AFG2A: variants seen among roughly 807,000 people sequenced by gnomAD.
The protein encoded by AFG2A is AAA ATPase AFG2A.
At chr4:123,224,347 C>T in the AFG2A span, among the ~76,000 whole-genome samples, 1 of 152,062 alleles carries the variant, frequency 6.6e-6, no homozygotes, top group African/African-American at 2.4e-5. Context: ...TCTCCTAATG[C>T]TATCCCTCCA....
At chr4:123,005,952 A>G in the AFG2A span, among the ~76,000 whole-genome samples, 1 of 152,190 alleles carries the variant, frequency 6.6e-6, no homozygotes, top group Non-Finnish European at 1.5e-5. Flanking sequence ...AGGAAAAGTG[A>G]TATTTATATG....
At chr4:122,947,774 C>G in the AFG2A span, among the ~76,000 whole-genome samples, 1 of 151,932 alleles carries the variant, frequency 6.6e-6, no homozygotes, top group African/African-American at 2.4e-5. Context: ...AGGAGTCAAC[C>G]AACTGTGGTC....
At chr4:123,079,745 C>CTTTTTTTTTTTTTTTTTTTT in the AFG2A span, among the ~76,000 whole-genome samples, 2 of 72,670 alleles carry the variant, frequency 2.8e-5, no homozygotes, top group Admixed American at 2.2e-4. Context: ...TCTTTTCCTT[C>CTTTTTTTTTTTTTTTTTTTT]TTTTTTTTTT....
the AFG2A span, among the ~76,000 whole-genome samples, chr4:123,009,124 C>G: frequency 2.1e-4 from 32 of 152,244 alleles, no homozygotes; most frequent in African/African-American, 7.2e-4. Flanking sequence ...GCATGGGTAA[C>G]GTCCAGAAGA....
At chr4:123,069,227 T>C in the AFG2A span, among the ~76,000 whole-genome samples, 1 of 152,148 alleles carries the variant, frequency 6.6e-6, no homozygotes, top group East Asian at 1.9e-4. Flanking sequence ...CTGCCATCCA[T>C]GATATATTAA....
chr4:123,143,828 TC>T, the AFG2A span, among the ~76,000 whole-genome samples: 2 of 86,606 alleles, frequency 2.3e-5, no homozygotes, highest in African/African-American at 3.1e-5. Context: ...TAAACTTCTC[TC>T]TCTTTTTTTT....
At chr4:123,305,944 G>A in the AFG2A span, among the ~76,000 whole-genome samples, 1 of 152,174 alleles carries the variant, frequency 6.6e-6, no homozygotes, top group Non-Finnish European at 1.5e-5. Context: ...GCATTTAAAA[G>A]TGAGGTAATT....
the AFG2A span, chr4:123,056,381 A>G: frequency 1.2e-6 from 2 of 1,610,292 alleles, no homozygotes; most frequent in South Asian, 2.2e-5. Flanking sequence ...TTTTCTTTTC[A>G]TGCAGGGGCC....
the AFG2A span, among the ~76,000 whole-genome samples, chr4:123,034,740 C>T: frequency 2.0e-5 from 3 of 152,120 alleles, no homozygotes; most frequent in East Asian, 1.9e-4. Context: ...TGGGCATATG[C>T]GAGCTGTTTG....
the AFG2A span, among the ~76,000 whole-genome samples, chr4:122,996,570 C>CAGATAGATAGATAGATAGATAGAT: frequency 5.0e-5 from 7 of 139,642 alleles, no homozygotes; most frequent in Admixed American, 3.0e-4. Flanking sequence ...GGTAGGTAGG[C>CAGATAGATAGATAGATAGATAGAT]AGATAGATAG....
the AFG2A span, among the ~76,000 whole-genome samples, chr4:123,183,851 C>A: frequency 6.6e-6 from 1 of 152,154 alleles, no homozygotes; most frequent in Non-Finnish European, 1.5e-5. Context: ...CCTCCACCTC[C>A]CAGACTCAAG....
the AFG2A span, among the ~76,000 whole-genome samples, chr4:123,187,670 GT>G: frequency 1.3e-5 from 2 of 151,416 alleles, no homozygotes; most frequent in African/African-American, 4.9e-5. Flanking sequence ...TATACTCTAG[GT>G]TTTTTTTGTA....
chr4:123,281,807 A>C, the AFG2A span, among the ~76,000 whole-genome samples: 14 of 152,292 alleles, frequency 9.2e-5, no homozygotes, highest in African/African-American at 3.4e-4. Context: ...AAGAACCTTA[A>C]ATATATATGA....
At chr4:123,232,781 G>T in the AFG2A span, among the ~76,000 whole-genome samples, 2 of 152,054 alleles carry the variant, frequency 1.3e-5, no homozygotes, top group Non-Finnish European at 2.9e-5. Context: ...GTGGCAGAAT[G>T]AGGTGGGATT....
At chr4:122,986,147 T>C in the AFG2A span, among the ~76,000 whole-genome samples, 1 of 152,192 alleles carries the variant, frequency 6.6e-6, no homozygotes, top group Non-Finnish European at 1.5e-5. Flanking sequence ...GTGCTTGATA[T>C]AATTTCAATT....
the AFG2A span, among the ~76,000 whole-genome samples, chr4:122,949,177 G>A: frequency 2.0e-5 from 3 of 152,144 alleles, no homozygotes; most frequent in South Asian, 2.1e-4. Context: ...CCTTGTGGGG[G>A]CAGTTAAGAT....
the AFG2A span, among the ~76,000 whole-genome samples, chr4:123,239,572 C>A: frequency 3.9e-5 from 6 of 152,190 alleles, no homozygotes; most frequent in South Asian, 1.2e-3. Context: ...TGATATCCAG[C>A]CAAACTAAGC....
the AFG2A span, among the ~76,000 whole-genome samples, chr4:123,281,377 G>A: frequency 6.6e-6 from 1 of 151,980 alleles, no homozygotes; most frequent in African/African-American, 2.4e-5. Flanking sequence ...CTGGATAAAG[G>A]GGGAAAAAAG....
chr4:123,219,439 T>C, the AFG2A span, among the ~76,000 whole-genome samples: 5 of 152,106 alleles, frequency 3.3e-5, no homozygotes, highest in Non-Finnish European at 7.4e-5. Context: ...ACACACCCAG[T>C]AACAATTCTT....
Sources: allele counts gnomAD v4.1 joint callset (sites outside exome capture counted in the v4.1 genomes callset), GRCh38; gene constraint gnomAD v4.1.1; transcripts MANE v1.5; gene names NCBI Gene and HGNC (gene_info 2026-07-23, HGNC 2026-07-21).